The following STX2 variants were observed in gnomAD, a reference collection of about 807,000 sequenced individuals.
The protein encoded by STX2 is syntaxin 2.
A neutral mutation model predicts 40.6 loss-of-function variants in STX2; 27 were observed. That is an observed-to-expected ratio of 0.66 (90% CI 0.49 to 0.92). The LOEUF is 0.92. Ranked by LOEUF, STX2 falls within the 40% of genes least tolerant of loss-of-function variation. The pLI, the probability that STX2 is intolerant of heterozygous loss-of-function variation, is 0.00. For synonymous variants in STX2, 123 were observed against 119.1 expected, an observed-to-expected ratio of 1.03 and a Z score of -0.22; for missense variants, 328 against 366.1, an observed-to-expected ratio of 0.90 and a Z score of 0.85.
At chr12:130,826,180 T>C (rs1952296086) in intron 2 of STX2, among the ~76,000 whole-genome samples, 2 of 152,316 alleles carry the variant, frequency 1.3e-5, no homozygotes, top group South Asian at 4.1e-4. Context: ...CCCTCTGCTC[T>C]AGGCACTTGC....
intron 2 of STX2, among the ~76,000 whole-genome samples, chr12:130,823,424 C>T (rs950291177): frequency 6.6e-6 from 1 of 152,258 alleles, no homozygotes; most frequent in Non-Finnish European, 1.5e-5. Context: ...GGGAACTTTG[C>T]AGATGTGATC....
chr12:130,827,380 C>A, intron 1 of STX2, 113 bp from the exon 2 acceptor site: 1 of 730,388 alleles, frequency 1.4e-6, no homozygotes, highest in Non-Finnish European at 2.3e-6. Flanking sequence ...ACTACAGCAC[C>A]AAATTGTAAC....
At chr12:130,828,278 T>C (rs1417151185) in intron 1 of STX2, among the ~76,000 whole-genome samples, 2 of 151,690 alleles carry the variant, frequency 1.3e-5, no homozygotes, top group African/African-American at 4.8e-5. Context: ...GAGTGTGGAG[T>C]GTGCAGTGGC....
At chr12:130,820,239 C>T (rs7973222) in intron 3 of STX2, among the ~76,000 whole-genome samples, 151,933 of 152,344 alleles carry the variant, frequency 1, 75,762 homozygotes, top group Middle Eastern at 1. Context: ...AATTACATGA[C>T]TGGGTACAGA....
At chr12:130,795,107 T>G (rs1023326227) in intron 10 of STX2, among the ~76,000 whole-genome samples, 13 of 152,196 alleles carry the variant, frequency 8.5e-5, no homozygotes, top group Non-Finnish European at 1.5e-4. Flanking sequence ...ACCTTTTATA[T>G]TCAGAATTCT....
chr12:130,812,848 TC>T, intron 4 of STX2, 108 bp downstream of exon 4: 1 of 742,020 alleles, frequency 1.3e-6, no homozygotes, highest in Non-Finnish European at 2.2e-6. Context: ...TTTAAAGCAG[TC>T]ACTATTTTAA....
rs530123218 is a variant in STX2 at position 130,833,691 on chromosome 12, G to A, written c.30+5379C>T. 3.0e-4 allele frequency among the ~76,000 whole-genome samples: 45 copies of A among 152,174 alleles called. 1 individual carries two copies. The South Asian group carries it at 3.1e-3, about 11-fold the overall frequency. On this transcript the variant is annotated intron_variant, in intron 1 of 10. Coordinates refer to ENST00000392373, the MANE Select transcript of STX2 (RefSeq NM_194356.4). ...CTCCCAAAGTAGTGGGATTACAGGC[G>A]TGAGCCACCCCACCCAGCCCATTCT...
intron 3 of STX2, among the ~76,000 whole-genome samples, chr12:130,814,489 C>T (rs1341537244): frequency 1.3e-5 from 2 of 151,956 alleles, no homozygotes; most frequent in African/African-American, 4.8e-5. Context: ...TAGTGACTGG[C>T]GTGGGAGGAG....
chr12:130,839,242 G>C lies in STX2; in HGVS notation c.-143C>G, dbSNP rs1243807192. ...CCCTCCCTGGAGCCGGCGCTGCCAC[G>C]GCAACCGCGCCCCGCGCGCTCTGCG... On this transcript the variant is annotated 5_prime_UTR_variant, in exon 1 of 11. Coordinates refer to ENST00000392373, the MANE Select transcript of STX2 (RefSeq NM_194356.4). The C allele has an allele frequency of 7.4e-6, 5 of 674,088 alleles. No individual in the cohort carries two copies. 41.8% of individuals were successfully genotyped at this position (674,088 alleles called of 1,614,324 possible). A position where few individuals can be genotyped will look rare whatever the true frequency, so the allele number is the denominator to read the frequency against.
At chr12:130,824,047 G>C (rs1483462476) in intron 2 of STX2, among the ~76,000 whole-genome samples, 2 of 152,312 alleles carry the variant, frequency 1.3e-5, no homozygotes, top group Admixed American at 6.5e-5. Flanking sequence ...AGGGACCCCA[G>C]GGACTCCTAA....
chr12:130,827,459 G>A (rs1477766661), intron 1 of STX2, among the ~76,000 whole-genome samples, 192 bp from the exon 2 acceptor site: 3 of 152,210 alleles, frequency 2.0e-5, no homozygotes, highest in African/African-American at 4.8e-5. Flanking sequence ...GATCCTGGCT[G>A]AAGCAGCCAG....
rs578084752 is a variant in STX2, at chr12:130,820,670, T to TA, written c.205+1018dup. ...GACAGAGTGAGACTCCGTCTCAAAA[T>TA]AAAAAAAAAAATAGATAAATAAAAA... is the stretch of plus-strand genomic sequence containing the variant. On this transcript the variant is annotated intron_variant, in intron 3 of 10. Coordinates refer to ENST00000392373, the MANE Select transcript of STX2 (RefSeq NM_194356.4). 2.8e-3 allele frequency among the ~76,000 whole-genome samples: 400 copies of TA among 141,782 alleles called. 1 individual carries two copies. Among genetic ancestry groups the TA allele is most frequent in the South Asian group, 3.4e-3 (15 of 4,454 alleles). The allele number at this position is 141,782 out of a possible 152,430, so 93.0% of individuals were successfully genotyped here.
intron 2 of STX2, among the ~76,000 whole-genome samples, chr12:130,822,467 C>A (rs1565929252): frequency 6.6e-6 from 1 of 152,028 alleles, no homozygotes; most frequent in Non-Finnish European, 1.5e-5. Context: ...GAGGAGGTAT[C>A]TATAGCTCAT....
intron 3 of STX2, among the ~76,000 whole-genome samples, chr12:130,820,172 C>T (rs1952058179): frequency 6.6e-6 from 1 of 152,140 alleles, no homozygotes. Flanking sequence ...CTAAATAAAT[C>T]AGTTAAAACT....
chr12:130,829,538 C>G (rs1952476276), intron 1 of STX2, among the ~76,000 whole-genome samples: 1 of 134,650 alleles, frequency 7.4e-6, no homozygotes, highest in Non-Finnish European at 1.7e-5. Context: ...GGCCAGGTGG[C>G]CAGGTCCCAC....
intron 5 of STX2, 117 bp downstream of exon 5, chr12:130,808,514 G>A: frequency 1.1e-6 from 1 of 941,122 alleles, no homozygotes; most frequent in South Asian, 1.7e-5. Context: ...TTTTTGTGCA[G>A]AAATACTATG....
chr12:130,834,730 TTGTA>T (rs761741690), intron 1 of STX2, among the ~76,000 whole-genome samples: 20 of 152,242 alleles, frequency 1.3e-4, no homozygotes, highest in African/African-American at 2.9e-4. Flanking sequence ...TAGGAACTGT[TTGTA>T]TGAGAACACA....
At chr12:130,807,614 G>A (rs1243041414) in intron 5 of STX2, among the ~76,000 whole-genome samples, 11 of 152,168 alleles carry the variant, frequency 7.2e-5, no homozygotes, top group Admixed American at 7.2e-4. Flanking sequence ...TGCCCTCGAG[G>A]CCTCAGGGCT....
chr12:130,805,451 G>A (rs1289216134), intron 6 of STX2, among the ~76,000 whole-genome samples: 1 of 152,196 alleles, frequency 6.6e-6, no homozygotes, highest in Non-Finnish European at 1.5e-5. Context: ...AGAGCTCAGG[G>A]GAGACCAAGG....
Sources: gnomAD v4.1 joint callset for allele counts (sites outside exome capture counted in the v4.1 genomes callset) on GRCh38, gnomAD v4.1.1 for gene constraint, MANE v1.5 for transcripts, NCBI Gene and HGNC (gene_info 2026-07-23, HGNC 2026-07-21) for gene names.